DLL4: variants seen among roughly 807,000 people sequenced by gnomAD.
DLL4 encodes delta-like protein 4.
Under a neutral mutation model 73.6 loss-of-function variants are expected in DLL4, and 7 were observed. The observed-to-expected ratio is 0.10, with a 90% CI of 0.05 to 0.18. The LOEUF is 0.18. Ranked by LOEUF, DLL4 falls within the 10% of genes least tolerant of loss-of-function variation. The pLI is 1.00. For missense variants in DLL4, 614 were observed against 929.9 expected, an observed-to-expected ratio of 0.66 and a Z score of 4.42; for synonymous variants, 345 against 374.3, an observed-to-expected ratio of 0.92 and a Z score of 0.90.
intron 9 of DLL4, among the ~76,000 whole-genome samples, chr15:40,937,139 G>T (rs1444170486): frequency 6.6e-6 from 1 of 152,214 alleles, no homozygotes; most frequent in Non-Finnish European, 1.5e-5. Context: ...TCCCTAGGGT[G>T]TCTCTTGTGA....
At chr15:40,934,490 G>T in intron 6 of DLL4, 58 bp from the exon 7 acceptor site, 1 of 1,576,874 alleles carries the variant, frequency 6.3e-7, no homozygotes, top group Non-Finnish European at 8.6e-7. Context: ...ACTGCAAGGA[G>T]CCTGGAGGTG....
chr15:40,937,910 C>G, intron 10 of DLL4, 119 bp from the exon 11 acceptor site: 1 of 1,228,324 alleles, frequency 8.1e-7, no homozygotes, highest in Non-Finnish European at 1.1e-6. Flanking sequence ...GGAGGACTGC[C>G]CCACCTGCCC....
At chr15:40,932,996 G>A (rs1427648324) in intron 6 of DLL4, among the ~76,000 whole-genome samples, 1 of 152,208 alleles carries the variant, frequency 6.6e-6, no homozygotes, top group Non-Finnish European at 1.5e-5. Flanking sequence ...AACCCATGCG[G>A]TCTCTACCTG....
intron 6 of DLL4, among the ~76,000 whole-genome samples, chr15:40,934,009 C>A (rs1310477066): frequency 8.3e-6 from 1 of 121,186 alleles, no homozygotes; most frequent in Non-Finnish European, 1.7e-5. Flanking sequence ...GAGCAAGACT[C>A]CGTCTCAAAA....
chr15:40,934,208 C>T (rs1213981303), intron 6 of DLL4, among the ~76,000 whole-genome samples: 1 of 151,154 alleles, frequency 6.6e-6, no homozygotes, highest in East Asian at 1.9e-4. Flanking sequence ...TGCCTGTAAT[C>T]CCAGCTACTT....
At position 40,937,013 on chromosome 15, in the gene DLL4, C is replaced by G. The variant is rs143661263; in HGVS notation, c.1943+83C>G. ...GGCTCCTCTTAGGCCAGGCGGGAAGCAGTTAAGCAGCTGAGGTTTTGTTAC... is the reference window on the plus strand; with the variant it reads ...GGCTCCTCTTAGGCCAGGCGGGAAGGAGTTAAGCAGCTGAGGTTTTGTTAC... On this transcript the variant is annotated intron_variant, in intron 9 of 10. Transcript: ENST00000249749. 2.2e-5 allele frequency: 27 copies of G among 1,213,104 alleles called. No homozygotes were observed. In the African/African-American group the frequency reaches 3.5e-4, roughly 16 times the overall value. 75.1% of individuals were successfully genotyped at this position (1,213,104 alleles called of 1,614,324 possible).
In DLL4 at chr15:40,931,515, C is replaced by A; in HGVS notation, c.407C>A (p.Pro136Gln). ...TCTGCCCCCTCAGAGGCCTTGCCAC[C>A]AGATGCACTCATCAGCAAGATCGCC... ...GDDLRPEALP[P>Q]DALISKIAIQ... Residue 136 changes from proline (P) to glutamine (Q), a missense_variant, in exon 4 of 11, where the codon CCA becomes CAA. This residue lies in a region of DLL4 where 227 missense variants were observed against 370.8 expected (regional missense o/e 0.61). Coordinates refer to ENST00000249749, the MANE Select transcript of DLL4 (RefSeq NM_019074.4). The A allele has an allele frequency of 6.2e-7, 1 of 1,608,548 alleles. No homozygotes were observed. The highest frequency in any genetic ancestry group is 8.5e-7 in the Non-Finnish European group (1 of 1,177,722).
chr15:40,935,179 G>C (rs1596194351), intron 8 of DLL4, 62 bp downstream of exon 8: 5 of 1,502,298 alleles, frequency 3.3e-6, no homozygotes, highest in African/African-American at 1.4e-5. Flanking sequence ...GACTTCTGGT[G>C]AGGGAGGGTC....
chr15:40,929,395 C>A lies in DLL4; in HGVS notation c.-274C>A. 2.3e-6 allele frequency: 1 copy of A among 434,374 alleles called. No individual in the cohort carries two copies. Among genetic ancestry groups the A allele is most frequent in the Non-Finnish European group, 4.0e-6 (1 of 247,336 alleles). The allele number at this position is 434,374 out of a possible 1,614,324, so 26.9% of individuals were successfully genotyped here. On this transcript the variant is annotated 5_prime_UTR_variant, in exon 1 of 11. Transcript: ENST00000249749. This position sits in a 1 kb window ranked among gnomAD's most constrained non-coding sequence, Gnocchi z 7.1. ...CGAGGCCAAGAGCCGCAGCCCCAGC[C>A]GCCTTGGTGCAGCGTACACCGGCAC...
Position 40,930,597 on chromosome 15 carries a change from C to A in DLL4, c.337-28C>A, listed in dbSNP as rs1372869736. On this transcript the variant is annotated intron_variant, in intron 2 of 10. Transcript: ENST00000249749. The surrounding 1 kb of genome is among the most constrained non-coding windows in gnomAD (Gnocchi z 5.7). ...TCTCCCCGCTTGCTCATCTCGCCATCTCTCCGTCCCCCCACCCCCTTTCCC... is the reference window on the plus strand; with the variant it reads ...TCTCCCCGCTTGCTCATCTCGCCATATCTCCGTCCCCCCACCCCCTTTCCC... The A allele has an allele frequency of 6.2e-7, 1 of 1,610,672 alleles. No individual in the cohort carries two copies. The highest frequency in any genetic ancestry group is 8.5e-7 in the Non-Finnish European group (1 of 1,177,596).
Position 40,936,780 on chromosome 15 carries a change from G to A in DLL4, c.1793G>A (p.Cys598Tyr). 2.5e-6 allele frequency: 4 copies of A among 1,613,838 alleles called. No homozygotes were observed. The highest frequency in any genetic ancestry group is 3.4e-6 in the Non-Finnish European group (4 of 1,179,882). Residue 598 changes from cysteine (C) to tyrosine (Y), a missense_variant, in exon 9 of 11, where the codon TGT becomes TAT. Transcript: ENST00000249749. ...TNQKKELEVD[C>Y]GLDKSNCGKQ... ...CAGAAGAAGGAGCTGGAAGTGGACT[G>A]TGGCCTGGACAAGTCCAACTGTGGC...
At position 40,930,224 on chromosome 15, in the gene DLL4, A is replaced by C; in HGVS notation, c.336+108A>C. The C allele has an allele frequency of 5.2e-6, 7 of 1,339,610 alleles. No individual in the cohort carries two copies. The highest frequency in any genetic ancestry group is 7.1e-6 in the Non-Finnish European group (7 of 986,826). The allele number at this position is 1,339,610 out of a possible 1,614,324, so 83.0% of individuals were successfully genotyped here. A position where few individuals can be genotyped will look rare whatever the true frequency, so the allele number is the denominator to read the frequency against. On this transcript the variant is annotated intron_variant, in intron 2 of 10. Coordinates refer to ENST00000249749, the MANE Select transcript of DLL4 (RefSeq NM_019074.4). The surrounding 1 kb of genome is among the most constrained non-coding windows in gnomAD (Gnocchi z 5.7). ...CCTTGTACACACACCCCCACCCCCA[A>C]AAAGCCCAGGATGCATTCTTTCCTG...
intron 8 of DLL4, 116 bp downstream of exon 8, chr15:40,935,233 GC>G: frequency 9.8e-7 from 1 of 1,019,470 alleles, no homozygotes; most frequent in Admixed American, 2.3e-5. Flanking sequence ...CCCCCCATCT[GC>G]TCTGGAGGGC....
Position 40,930,438 on chromosome 15 carries a change from T to C in DLL4, c.337-187T>C. 1 of 659,772 alleles carries C rather than the reference T, an allele frequency of 1.5e-6. No individual in the cohort carries two copies. The highest frequency in any genetic ancestry group is 2.7e-6 in the Non-Finnish European group (1 of 366,330). The allele number at this position is 659,772 out of a possible 1,614,324, so 40.9% of individuals were successfully genotyped here. ...CACTCTCCCGTCTCTCAACCCTCCC[T>C]CTACCGGGGGTTCTCCTCTCGCCTT... On this transcript the variant is annotated intron_variant, in intron 2 of 10. Coordinates refer to ENST00000249749, the MANE Select transcript of DLL4 (RefSeq NM_019074.4). This position sits in a 1 kb window ranked among gnomAD's most constrained non-coding sequence, Gnocchi z 5.7.
At chr15:40,935,365 C>A (rs932323741) in intron 8 of DLL4, among the ~76,000 whole-genome samples, 23 of 152,228 alleles carry the variant, frequency 1.5e-4, no homozygotes, top group Non-Finnish European at 2.8e-4. Flanking sequence ...CATGTCAGAA[C>A]CCCGTCCTGG....
At chr15:40,932,579 C>A in intron 6 of DLL4, 132 bp downstream of exon 6, 6 of 1,247,310 alleles carry the variant, frequency 4.8e-6, no homozygotes, top group Non-Finnish European at 6.7e-6. Context: ...TTCCAAGGAT[C>A]TTGGGTCTTT....
chr15:40,937,628 G>T, intron 10 of DLL4, 102 bp downstream of exon 10: 1 of 856,066 alleles, frequency 1.2e-6, no homozygotes, highest in South Asian at 1.4e-5. Context: ...TCAGAACCCT[G>T]CCTTGGCAGG....
chr15:40,931,381 G>A, intron 3 of DLL4, 122 bp from the exon 4 acceptor site: 1 of 1,259,912 alleles, frequency 7.9e-7, no homozygotes, highest in Non-Finnish European at 1.1e-6. Context: ...GGGTCATCTG[G>A]ATAACTGGGC....
chr15:40,936,901 A>C lies in DLL4; in HGVS notation c.1914A>C (p.Leu638Phe). Residue 638 changes from leucine (L) to phenylalanine (F), a missense_variant, in exon 9 of 11, where the codon TTA becomes TTC. Around this residue, in one of 3 missense-constraint regions of DLL4, gnomAD observed 386 missense variants for 541.3 expected, o/e 0.71. Transcript: ENST00000249749. ...AGTTTCCCCACAGTGACAAGAGCTT[A>C]GGAGAGAAGGCGCCACTGCGGTTAC... Reference protein sequence around the residue: ...PGKFPHSDKSLGEKAPLRLHS... With the variant: ...PGKFPHSDKSFGEKAPLRLHS... 1 of 1,609,278 alleles carries C rather than the reference A, an allele frequency of 6.2e-7. No homozygotes were observed. The highest frequency in any genetic ancestry group is 8.5e-7 in the Non-Finnish European group (1 of 1,178,118).
Sources: allele counts gnomAD v4.1 joint callset (sites outside exome capture counted in the v4.1 genomes callset), GRCh38; gene constraint gnomAD v4.1.1; regional missense constraint gnomAD v4.1.1; non-coding constraint Gnocchi (gnomAD v3.1); transcripts MANE v1.5; gene names NCBI Gene and HGNC (gene_info 2026-07-23, HGNC 2026-07-21).